Variants in DCC observed in about 807,000 individuals in gnomAD.
The protein encoded by DCC is netrin receptor DCC.
In DCC, 58 loss-of-function variants were observed where a neutral mutation model predicts 172.5. The ratio of observed to expected loss-of-function variants is 0.34; its 90% CI spans 0.27 to 0.42. The LOEUF (loss-of-function observed/expected upper bound fraction) is 0.42. Ranked by LOEUF, DCC falls within the 10% of genes least tolerant of loss-of-function variation. DCC has a pLI of 1.00. For missense variants in DCC, 1,740 were observed against 1,791.0 expected (o/e 0.97, Z 0.51); for synonymous variants, 709 against 644.5 (o/e 1.10, Z -1.52).
chr18:53,073,247 C>G (rs2042679431), intron 7 of DCC, among the ~76,000 whole-genome samples: 2 of 152,036 alleles, frequency 1.3e-5, no homozygotes, highest in South Asian at 4.2e-4. Flanking sequence ...AAAAATAGGC[C>G]CGGCGCGGTG....
chr18:53,104,788 A>G (rs1598806025), intron 7 of DCC, among the ~76,000 whole-genome samples: 1 of 152,022 alleles, frequency 6.6e-6, no homozygotes, highest in East Asian at 1.9e-4. Flanking sequence ...CTTCTGGTTC[A>G]GTGATCTTGT....
intron 2 of DCC, among the ~76,000 whole-genome samples, chr18:52,848,082 ATTTTTT>A (rs11291428): frequency 2.4e-4 from 30 of 127,356 alleles, no homozygotes; most frequent in African/African-American, 8.1e-4. Context: ...GACTTTTCTA[ATTTTTT>A]TTTTTTTTTT....
rs370828400 is a variant in DCC at position 52,450,992 on chromosome 18, A to G, written c.91+110114A>G. Among the ~76,000 whole-genome samples, 9 of 152,330 alleles carry G rather than the reference A, an allele frequency of 5.9e-5. No homozygotes were observed. The East Asian group carries it at 1.7e-3, about 29-fold the overall frequency. ...GGTTTTGAAGTCAATTTCTTAAGTA[A>G]ATGTAAAGATATTAAAATGTTTGCC... On this transcript the variant is annotated intron_variant, in intron 1 of 28. Coordinates refer to ENST00000442544, the MANE Select transcript of DCC (RefSeq NM_005215.4).
At chr18:52,591,685 C>T (rs769156271) in intron 1 of DCC, among the ~76,000 whole-genome samples, 6 of 151,978 alleles carry the variant, frequency 3.9e-5, no homozygotes, top group African/African-American at 1.2e-4. Flanking sequence ...TGGGCTCCAG[C>T]GATCCTCTTG....
chr18:53,367,368 G>T (rs2058018198), intron 15 of DCC, among the ~76,000 whole-genome samples: 1 of 152,072 alleles, frequency 6.6e-6, no homozygotes, highest in Non-Finnish European at 1.5e-5. Context: ...CTTAGGATTT[G>T]AGTTCTTTAA....
chr18:52,870,914 A>G (rs1049415750), intron 2 of DCC, among the ~76,000 whole-genome samples: 2 of 152,114 alleles, frequency 1.3e-5, no homozygotes, highest in African/African-American at 4.8e-5. Flanking sequence ...CTTTACTGCA[A>G]TGCCACGGTC....
At chr18:52,384,060 TTC>T (rs1453448815) in intron 1 of DCC, among the ~76,000 whole-genome samples, 1 of 152,172 alleles carries the variant, frequency 6.6e-6, no homozygotes, top group African/African-American at 2.4e-5. Context: ...AGCATTTTAA[TTC>T]TGTTTATTTC....
rs1478002280 is a variant in DCC at position 52,487,539 on chromosome 18, G to A, written c.91+146661G>A. Among the ~76,000 whole-genome samples, 8 of 152,186 alleles carry A rather than the reference G, an allele frequency of 5.3e-5. No homozygotes were observed. The East Asian group carries it at 1.4e-3, about 26-fold the overall frequency. On this transcript the variant is annotated intron_variant, in intron 1 of 28. Transcript: ENST00000442544. ...ACGTTAGAGGAAGTAGACCGGGCAC[G>A]GTGGCTCACGCCTGTAATCCCAGCA...
chr18:52,926,790 TAC>T lies in DCC; in HGVS notation c.985+1430_985+1431del, dbSNP rs1462577994. Among the ~76,000 whole-genome samples, 3 of 147,202 alleles carry T rather than the reference TAC, an allele frequency of 2.0e-5. No individual in the cohort carries two copies. In the South Asian group the frequency reaches 6.4e-4, roughly 31 times the overall value. On this transcript the variant is annotated intron_variant, in intron 5 of 28. Coordinates refer to ENST00000442544, the MANE Select transcript of DCC (RefSeq NM_005215.4). Reference sequence around the variant, plus strand: ...TAAACTAAATTAGTCTCTATATATATACACACACACATATACATATGTGTGTG... The same window carrying T: ...TAAACTAAATTAGTCTCTATATATATACACACACATATACATATGTGTGTG...
At chr18:53,305,044 G>A (rs937466049) in intron 12 of DCC, among the ~76,000 whole-genome samples, 3 of 152,120 alleles carry the variant, frequency 2.0e-5, no homozygotes, top group African/African-American at 4.8e-5. Flanking sequence ...CCCTACACAC[G>A]TTCCCTTGCC....
intron 2 of DCC, among the ~76,000 whole-genome samples, chr18:52,866,180 T>C (rs2039225940): frequency 6.6e-6 from 1 of 152,160 alleles, no homozygotes; most frequent in Admixed American, 6.5e-5. Context: ...TTTCGTTAGG[T>C]TTCTTAAAGA....
At chr18:52,819,911 G>T (rs558885793) in intron 2 of DCC, among the ~76,000 whole-genome samples, 32 of 151,816 alleles carry the variant, frequency 2.1e-4, no homozygotes, top group Non-Finnish European at 4.6e-4. Flanking sequence ...TAGTAGAGAT[G>T]GGGTTTCACC....
chr18:52,695,554 T>G (rs1364678687), intron 1 of DCC, among the ~76,000 whole-genome samples: 1 of 152,230 alleles, frequency 6.6e-6, no homozygotes, highest in Non-Finnish European at 1.5e-5. Context: ...GATTTATGTT[T>G]ATGTTCATAA....
chr18:53,259,234 T>C (rs1487883813), intron 12 of DCC, among the ~76,000 whole-genome samples: 7 of 152,206 alleles, frequency 4.6e-5, no homozygotes, highest in Admixed American at 4.6e-4. Context: ...TTGTTATGTG[T>C]GAATTTGATC....
intron 1 of DCC, among the ~76,000 whole-genome samples, chr18:52,412,906 C>T (rs1347929314): frequency 1.3e-5 from 2 of 152,066 alleles, no homozygotes; most frequent in South Asian, 2.1e-4. Flanking sequence ...AAAATTGTAA[C>T]AAATAATTTT....
At chr18:52,867,425 A>T (rs1035841210) in intron 2 of DCC, among the ~76,000 whole-genome samples, 1 of 151,834 alleles carries the variant, frequency 6.6e-6, no homozygotes, top group African/African-American at 2.4e-5. Flanking sequence ...CCTCTTTTTC[A>T]ATTGTTTGGA....
chr18:52,703,503 T>A (rs1680991331), intron 1 of DCC, among the ~76,000 whole-genome samples: 1 of 85,280 alleles, frequency 1.2e-5, no homozygotes, highest in South Asian at 3.4e-4. Flanking sequence ...GGCCCTATTA[T>A]TTTTTTAGCC....
intron 1 of DCC, among the ~76,000 whole-genome samples, chr18:52,568,194 G>A (rs1227757390): frequency 6.6e-6 from 1 of 152,008 alleles, no homozygotes; most frequent in Admixed American, 6.6e-5. Context: ...ATCTTATGAG[G>A]CAGCCGTCCT....
intron 2 of DCC, among the ~76,000 whole-genome samples, chr18:52,867,163 T>C (rs1460209284): frequency 6.6e-6 from 1 of 152,206 alleles, no homozygotes; most frequent in Non-Finnish European, 1.5e-5. Context: ...TTGGTTCTGT[T>C]TATGTGATGA....
Sources: gnomAD v4.1 joint callset for allele counts (sites outside exome capture counted in the v4.1 genomes callset) on GRCh38, gnomAD v4.1.1 for gene constraint, MANE v1.5 for transcripts, NCBI Gene and HGNC (gene_info 2026-07-23, HGNC 2026-07-21) for gene names.